The following BEND4 variants were observed in gnomAD, a reference collection of about 807,000 sequenced individuals.
BEND4 encodes BEN domain containing 4.
Under a neutral mutation model 54.7 loss-of-function variants are expected in BEND4, and 27 were observed. The ratio of observed to expected loss-of-function variants is 0.49; its 90% confidence interval spans 0.36 to 0.68. The LOEUF (loss-of-function observed/expected upper bound fraction) is 0.68. Ranked by LOEUF, BEND4 falls within the 30% of genes least tolerant of loss-of-function variation. BEND4 has a pLI of 0.00. For missense variants in BEND4, 702 were observed against 697.2 expected (o/e 1.01, Z -0.08); for synonymous variants, 327 against 299.5 (o/e 1.09, Z -0.95).
rs2153143770 is a variant in BEND4 at position 42,113,645 on chromosome 4, C to T, written c.*3873G>A. On this transcript the variant is annotated 3_prime_UTR_variant, in exon 6 of 6. Transcript: ENST00000502486. Reference sequence around the variant, plus strand: ...AAAAAATCCTATCAACATCAGTTACCACTAGTTGATGGGACATGGAGTAGT... The same window carrying T: ...AAAAAATCCTATCAACATCAGTTACTACTAGTTGATGGGACATGGAGTAGT... 1.3e-5 allele frequency: 2 copies of T among 152,240 alleles called. No homozygotes were observed. The highest frequency in any genetic ancestry group is 6.8e-3 in the Middle Eastern group (2 of 292). 9.4% of individuals were successfully genotyped at this position (152,240 alleles called of 1,614,324 possible).
In BEND4 at chr4:42,151,884, G is replaced by T. The variant is rs1721305856; in HGVS notation, c.260C>A (p.Pro87His). ...PQQFQAQSSY[P>H]PGPGRAAAAA... is the part of the protein sequence containing the mutation. ...GGCGGCGGCCCGGCCGGGCCCGGGGGGGTAGGAGCTCTGCGCCTGGAACTG... is the reference window on the plus strand; with the variant it reads ...GGCGGCGGCCCGGCCGGGCCCGGGGTGGTAGGAGCTCTGCGCCTGGAACTG... The change falls in exon 2 of 6, where the codon CCC becomes CAC. Residue 87 changes from proline to histidine, a missense_variant. Pro to His is a moderately conservative substitution (Grantham distance 77). Transcript: ENST00000502486. 7.7e-6 allele frequency: 10 copies of T among 1,296,102 alleles called. No homozygotes were observed. The South Asian group carries it at 1.1e-4, about 14-fold the overall frequency. 80.3% of individuals were successfully genotyped at this position (1,296,102 alleles called of 1,614,324 possible). A position where few individuals can be genotyped will look rare whatever the true frequency, so the allele number is the denominator to read the frequency against.
At chr4:42,139,031 C>T (rs1371014044) in intron 3 of BEND4, among the ~76,000 whole-genome samples, 1 of 152,134 alleles carries the variant, frequency 6.6e-6, no homozygotes, top group Admixed American at 6.5e-5. Context: ...GTTGACTAAG[C>T]TTCCTAAGTA....
chr4:42,144,163 CTGT>C (rs1454690376), intron 2 of BEND4, 169 bp from the exon 3 acceptor site: 2 of 655,270 alleles, frequency 3.1e-6, no homozygotes, highest in African/African-American at 3.6e-5. Context: ...GCATAGCTTC[CTGT>C]TGTTCTGCGA....
rs189742622 is a variant in BEND4, at chr4:42,142,065, G to A, written c.1054+1363C>T. On this transcript the variant is annotated intron_variant, in intron 3 of 5. Transcript: ENST00000502486. ...ACTACAGGCACCTGCCACCATGCCT[G>A]GCGACTTTTGTGTATTTTTTTAGTA... 2.0e-5 allele frequency among the ~76,000 whole-genome samples: 3 copies of A among 151,748 alleles called. No homozygotes were observed. The East Asian group carries it at 6.0e-4, about 30-fold the overall frequency.
At chr4:42,146,578 C>T (rs1427968598) in intron 2 of BEND4, among the ~76,000 whole-genome samples, 2 of 146,686 alleles carry the variant, frequency 1.4e-5, no homozygotes, top group East Asian at 1.9e-4. Context: ...GTTTAAGATG[C>T]TACACTCATT....
rs1719814975 is a variant in BEND4 at position 42,116,041 on chromosome 4, T to A, written c.*1477A>T. 1.3e-5 allele frequency: 2 copies of A among 152,206 alleles called. No individual in the cohort carries two copies. Among genetic ancestry groups the A allele is most frequent in the African/African-American group, 4.8e-5 (2 of 41,446 alleles). 9.4% of individuals were successfully genotyped at this position (152,206 alleles called of 1,614,324 possible). ...AAAGACCTGTTTCTAGGACTTTGTA[T>A]ATAGTGAATACAAACTAAATATTAA... On this transcript the variant is annotated 3_prime_UTR_variant, in exon 6 of 6. Coordinates refer to ENST00000502486, the MANE Select transcript of BEND4 (RefSeq NM_207406.4).
In BEND4 at chr4:42,111,140, T is replaced by TAACA. The variant is rs973620428; in HGVS notation, c.*6374_*6377dup. On this transcript the variant is annotated 3_prime_UTR_variant, in exon 6 of 6. Transcript: ENST00000502486. ...TTTAAGTTTCTAAAAGAAATGAGCC[T>TAACA]AACACTTAAAAAACAACTTACTCTT... 6.6e-6 allele frequency: 1 copy of TAACA among 152,220 alleles called. No homozygotes were observed. Among genetic ancestry groups the TAACA allele is most frequent in the Non-Finnish European group, 1.5e-5 (1 of 68,022 alleles). 9.4% of individuals were successfully genotyped at this position (152,220 alleles called of 1,614,324 possible).
At chr4:42,124,710 T>C (rs530728197) in intron 4 of BEND4, among the ~76,000 whole-genome samples, 15 of 152,240 alleles carry the variant, frequency 9.9e-5, no homozygotes, top group African/African-American at 3.1e-4. Flanking sequence ...ATAACGAATA[T>C]AGACCAGCTT....
At chr4:42,132,117 C>G (rs536148431) in intron 3 of BEND4, among the ~76,000 whole-genome samples, 3 of 152,378 alleles carry the variant, frequency 2.0e-5, no homozygotes, top group African/African-American at 7.2e-5. Flanking sequence ...ACTGCCTGCC[C>G]GGAGGTGCAT....
In BEND4 at chr4:42,114,904, A is replaced by C. The variant is rs953405484; in HGVS notation, c.*2614T>G. 4 of 152,468 alleles carry C rather than the reference A, an allele frequency of 2.6e-5. No individual in the cohort carries two copies. Among genetic ancestry groups the C allele is most frequent in the Non-Finnish European group, 4.4e-5 (3 of 68,214 alleles). 9.4% of individuals were successfully genotyped at this position (152,468 alleles called of 1,614,324 possible). On this transcript the variant is annotated 3_prime_UTR_variant, in exon 6 of 6. Transcript: ENST00000502486. ...GCAGTGTCCACAGTGATGCTGTATC[A>C]CGGCCTCAGTGGCGGCTAGTGCCTG...
chr4:42,128,731 A>G (rs1560577807), intron 3 of BEND4, among the ~76,000 whole-genome samples: 2 of 151,810 alleles, frequency 1.3e-5, no homozygotes, highest in African/African-American at 2.4e-5. Flanking sequence ...CCGTAATCCC[A>G]GCACTTTGGG....
rs138858020 is a variant in BEND4 at position 42,113,852 on chromosome 4, A to G, written c.*3666T>C. 24 of 152,350 alleles carry G rather than the reference A, an allele frequency of 1.6e-4. No homozygotes were observed. The highest frequency in any genetic ancestry group is 1.5e-3 in the Admixed American group (23 of 15,298). The allele number at this position is 152,350 out of a possible 1,614,324, so 9.4% of individuals were successfully genotyped here. On this transcript the variant is annotated 3_prime_UTR_variant, in exon 6 of 6. Transcript: ENST00000502486. ...TCTCGAATCCCCTACAAAAGGAGAT[A>G]ACAATTTTCTGCAAATGCTCTAATA...
chr4:42,117,720 T>G lies in BEND4; in HGVS notation c.1403A>C (p.His468Pro). ...VTCLREFIRM[H>P]CTSNPDWWMP... Reference sequence around the variant, plus strand: ...CCACCAATCGGGGTTGGAGGTACAATGCATCCTAATGAATTCTGCAGGAAT... The same window carrying G: ...CCACCAATCGGGGTTGGAGGTACAAGGCATCCTAATGAATTCTGCAGGAAT... The change falls in exon 6 of 6, where the codon CAT becomes CCT. Residue 468 changes from histidine (H) to proline (P), a missense_variant. Physicochemically the swap from His to Pro is moderately conservative, Grantham distance 77 (BLOSUM62 -2). Coordinates refer to ENST00000502486, the MANE Select transcript of BEND4 (RefSeq NM_207406.4). 1 of 1,602,092 alleles carries G rather than the reference T, an allele frequency of 6.2e-7. No individual in the cohort carries two copies. Among genetic ancestry groups the G allele is most frequent in the Non-Finnish European group, 8.5e-7 (1 of 1,173,770 alleles).
Position 42,113,258 on chromosome 4 carries a change from A to G in BEND4, c.*4260T>C, listed in dbSNP as rs1483083373. 6.6e-6 allele frequency: 1 copy of G among 152,258 alleles called. No homozygotes were observed. Among genetic ancestry groups the G allele is most frequent in the Non-Finnish European group, 1.5e-5 (1 of 68,038 alleles). 9.4% of individuals were successfully genotyped at this position (152,258 alleles called of 1,614,324 possible). On this transcript the variant is annotated 3_prime_UTR_variant, in exon 6 of 6. Coordinates refer to ENST00000502486, the MANE Select transcript of BEND4 (RefSeq NM_207406.4). The stretch of plus-strand genomic sequence containing the variant: ...TGAAATGACACAGCACTGAATGAGG[A>G]AAGTTATACATTTAAATCTTTCCTA...
chr4:42,119,757 G>A (rs3810840), intron 5 of BEND4, among the ~76,000 whole-genome samples: 3,876 of 152,236 alleles, frequency 0.025, 78 homozygotes, highest in Non-Finnish European at 0.038. Flanking sequence ...GTTCCCCTAT[G>A]CTCCAGTTTT....
At chr4:42,120,385 T>A (rs1720011358) in intron 4 of BEND4, 91 bp from the exon 5 acceptor site, 1 of 1,483,312 alleles carries the variant, frequency 6.7e-7, no homozygotes, top group Non-Finnish European at 9.1e-7. Flanking sequence ...ATGCTTTTTT[T>A]AACCAAGTGG....
chr4:42,148,523 G>A (rs960821317), intron 2 of BEND4, among the ~76,000 whole-genome samples: 1 of 152,162 alleles, frequency 6.6e-6, no homozygotes, highest in Non-Finnish European at 1.5e-5. Context: ...ACTATAACAG[G>A]CAGCATTTCA....
At position 42,116,074 on chromosome 4, in the gene BEND4, G is replaced by T. The variant is rs1209774943; in HGVS notation, c.*1444C>A. ...ATACAAACTAAATATTAAATCTAAA[G>T]GACAATTTATGAGTTTATGTTGACA... On this transcript the variant is annotated 3_prime_UTR_variant, in exon 6 of 6. Coordinates refer to ENST00000502486, the MANE Select transcript of BEND4 (RefSeq NM_207406.4). 1 of 152,116 alleles carries T rather than the reference G, an allele frequency of 6.6e-6. No individual in the cohort carries two copies. Among genetic ancestry groups the T allele is most frequent in the Non-Finnish European group, 1.5e-5 (1 of 68,032 alleles). The allele number at this position is 152,116 out of a possible 1,614,324, so 9.4% of individuals were successfully genotyped here.
intron 3 of BEND4, among the ~76,000 whole-genome samples, chr4:42,139,496 CCCAA>C (rs1720811451): frequency 6.6e-6 from 1 of 151,318 alleles, no homozygotes; most frequent in African/African-American, 2.4e-5. Flanking sequence ...TTGACAGGTG[CCCAA>C]GTGAAATCAT....
Sources: allele counts gnomAD v4.1 joint callset (sites outside exome capture counted in the v4.1 genomes callset), GRCh38; gene constraint gnomAD v4.1.1; transcripts MANE v1.5; gene names NCBI Gene and HGNC (gene_info 2026-07-23, HGNC 2026-07-21).